Variants in USP16 observed in about 807,000 individuals in gnomAD.
USP16 encodes the protein ubiquitin carboxyl-terminal hydrolase 16.
In USP16, 77 loss-of-function variants were observed where a neutral mutation model predicts 95.9. That is an observed-to-expected ratio of 0.80 (90% confidence interval 0.67 to 0.97). The LOEUF is 0.97. Ranked by LOEUF, USP16 falls within the 50% of genes least tolerant of loss-of-function variation. The probability of loss-of-function intolerance (pLI) is 0.00; values close to 1 mark genes in which losing one functional copy is unlikely to be tolerated. For synonymous variants in USP16, 303 were observed against 318.2 expected (o/e 0.95, Z 0.51); for missense variants, 943 against 959.9 (o/e 0.98, Z 0.23).
intron 1 of USP16, chr21:29,025,611 G>A (rs910021208): frequency 1.1e-5 from 3 of 269,568 alleles, no homozygotes; most frequent in African/African-American, 6.9e-5. Flanking sequence ...TTCCTATGGA[G>A]TCTAAGCTGC....
intron 13 of USP16, among the ~76,000 whole-genome samples, chr21:29,044,742 T>C (rs1210956253): frequency 6.6e-6 from 1 of 151,948 alleles, no homozygotes. Context: ...ACACCGTGCC[T>C]GGCCCATTCT....
rs931457890 is a variant in USP16 at position 29,053,733 on chromosome 21, C to T, written c.2194-69C>T. 14 of 1,519,182 alleles carry T rather than the reference C, an allele frequency of 9.2e-6. No individual in the cohort carries two copies. The African/African-American group carries it at 9.7e-5, about 11-fold the overall frequency. The allele number at this position is 1,519,182 out of a possible 1,614,324, so 94.1% of individuals were successfully genotyped here. The stretch of plus-strand genomic sequence containing the variant: ...TTAAAGACCCTTTGCATAGTGTAAA[C>T]TTGTCTTGCCCATGACATCTGTGTA... On this transcript the variant is annotated intron_variant, in intron 16 of 17. Transcript: ENST00000399976.
At chr21:29,036,418 T>C (rs1264242209) in intron 5 of USP16, 44 bp downstream of exon 5, 1 of 1,548,312 alleles carries the variant, frequency 6.5e-7, no homozygotes, top group Non-Finnish European at 8.9e-7. Flanking sequence ...TGTCGATTTG[T>C]GTATCTGCTG....
intron 13 of USP16, among the ~76,000 whole-genome samples, chr21:29,044,447 CTTTT>C (rs5843364): frequency 8.3e-6 from 1 of 120,582 alleles, no homozygotes; most frequent in Non-Finnish European, 1.7e-5. Flanking sequence ...CTTCTTCATT[CTTTT>C]TTTTTTTTTT....
chr21:29,054,455 TCACAA>T lies in USP16; in HGVS notation c.*273_*277del, dbSNP rs2085464337. 6 of 376,514 alleles carry T rather than the reference TCACAA, an allele frequency of 1.6e-5. No individual in the cohort carries two copies. Among genetic ancestry groups the T allele is most frequent in the Middle Eastern group, 8.0e-4 (1 of 1,250 alleles). 23.3% of individuals were successfully genotyped at this position (376,514 alleles called of 1,614,324 possible). ...GTGTTTAATATATCTGGGTGATGGATCACAACACATCAATAAACTGACTTACCCTA... is the reference window on the plus strand; with the variant it reads ...GTGTTTAATATATCTGGGTGATGGATCACATCAATAAACTGACTTACCCTA... On this transcript the variant is annotated 3_prime_UTR_variant, in exon 18 of 18. Coordinates refer to ENST00000399976, the MANE Select transcript of USP16 (RefSeq NM_006447.3).
chr21:29,034,447 G>A (rs2085123283), intron 3 of USP16, among the ~76,000 whole-genome samples: 1 of 151,898 alleles, frequency 6.6e-6, no homozygotes, highest in Non-Finnish European at 1.5e-5. Context: ...TAATTAGCTG[G>A]GATTACAGAT....
At chr21:29,032,098 C>T (rs1317478807) in intron 3 of USP16, among the ~76,000 whole-genome samples, 1 of 152,110 alleles carries the variant, frequency 6.6e-6, no homozygotes, top group East Asian at 1.9e-4. Flanking sequence ...ATAATCATAC[C>T]CACCTCCCTA....
chr21:29,038,916 G>A, intron 7 of USP16, 110 bp from the exon 8 acceptor site: 1 of 1,114,036 alleles, frequency 9.0e-7, no homozygotes, highest in Non-Finnish European at 1.2e-6. Context: ...ACTTTTAAAT[G>A]GGGCAGTTCT....
intron 14 of USP16, 71 bp downstream of exon 14, chr21:29,047,392 C>T (rs2085343599): frequency 1.4e-5 from 20 of 1,448,942 alleles, no homozygotes; most frequent in Non-Finnish European, 1.9e-5. Flanking sequence ...AGGTAGAGTA[C>T]TCCTAATTGT....
Position 29,047,147 on chromosome 21 carries a change from C to G in USP16, c.1837C>G (p.Pro613Ala). ...TKVYEVVNED[P>A]ETAFCTLANR... is the part of the protein sequence containing the mutation. ...GGTGTATGAGGTTGTAAATGAAGAT[C>G]CAGAAACTGCTTTCTGTACTCTTGC... Residue 613 changes from proline to alanine, a missense_variant, in exon 14 of 18, where the codon CCA becomes GCA. Transcript: ENST00000399976. 6.2e-7 allele frequency: 1 copy of G among 1,614,074 alleles called. No individual in the cohort carries two copies. The highest frequency in any genetic ancestry group is 8.5e-7 in the Non-Finnish European group (1 of 1,180,010).
intron 10 of USP16, 87 bp from the exon 11 acceptor site, chr21:29,041,926 G>GT: frequency 9.2e-7 from 1 of 1,081,330 alleles, no homozygotes; most frequent in Non-Finnish European, 1.4e-6. Context: ...AAATTTTAGA[G>GT]TTAGATAGGT....
At chr21:29,050,062 A>C in intron 15 of USP16, 30 bp from the exon 16 acceptor site, 1 of 1,589,274 alleles carries the variant, frequency 6.3e-7, no homozygotes, top group Non-Finnish European at 8.6e-7. Flanking sequence ...TTCCAAGAAA[A>C]GAAGTCAATC....
chr21:29,032,115 C>T (rs562508201), intron 3 of USP16, among the ~76,000 whole-genome samples: 1 of 152,324 alleles, frequency 6.6e-6, no homozygotes, highest in East Asian at 1.9e-4. Context: ...CCTACTGCCA[C>T]CACTCTCTGC....
At chr21:29,049,210 C>T (rs944492753) in intron 15 of USP16, among the ~76,000 whole-genome samples, 4 of 152,152 alleles carry the variant, frequency 2.6e-5, no homozygotes, top group Non-Finnish European at 5.9e-5. Flanking sequence ...CTTGTTTTTA[C>T]GGACCCTTGA....
chr21:29,033,772 C>T (rs1439255327), intron 3 of USP16, among the ~76,000 whole-genome samples: 2 of 152,080 alleles, frequency 1.3e-5, no homozygotes, highest in African/African-American at 4.8e-5. Flanking sequence ...ATAAGGAATG[C>T]CACTAGGAAT....
chr21:29,025,774 A>T, intron 1 of USP16: 1 of 972,534 alleles, frequency 1.0e-6, no homozygotes. Context: ...TGCCTCAGGT[A>T]CTATTCTATT....
chr21:29,048,973 T>C (rs2085372754), intron 15 of USP16, 118 bp downstream of exon 15: 2 of 786,448 alleles, frequency 2.5e-6, no homozygotes, highest in Admixed American at 2.8e-5. Flanking sequence ...GTTTCTTAAC[T>C]GTAATGTCAA....
intron 3 of USP16, among the ~76,000 whole-genome samples, chr21:29,033,255 C>T (rs376420320): frequency 6.6e-6 from 1 of 152,076 alleles, no homozygotes; most frequent in African/African-American, 2.4e-5. Flanking sequence ...TAACTGTTGT[C>T]TCAAGACAAC....
In USP16 at chr21:29,036,325, A is replaced by G. The variant is rs1299265237; in HGVS notation, c.399A>G (p.Gln133=). Residue 133 remains glutamine (Q), a synonymous_variant, in exon 5 of 18, where the codon CAA becomes CAG. Coordinates refer to ENST00000399976, the MANE Select transcript of USP16 (RefSeq NM_006447.3). ...ATTGTAGTTCAAACCAGTTGGGTCAAGTGGTTGATTATGTCAGAAAACAAG... is the reference window on the plus strand; with the variant it reads ...ATTGTAGTTCAAACCAGTTGGGTCAGGTGGTTGATTATGTCAGAAAACAAG... ...VQYCSSNQLG[Q]VVDYVRKQAS... The G allele has an allele frequency of 1.9e-6, 3 of 1,614,012 alleles. No homozygotes were observed. Among genetic ancestry groups the G allele is most frequent in the Non-Finnish European group, 2.5e-6 (3 of 1,179,952 alleles).
Sources: gnomAD v4.1 joint callset for allele counts (sites outside exome capture counted in the v4.1 genomes callset) on GRCh38, gnomAD v4.1.1 for gene constraint, MANE v1.5 for transcripts, NCBI Gene and HGNC (gene_info 2026-07-23, HGNC 2026-07-21) for gene names.